The following CDC42BPB variants were observed in gnomAD, a reference collection of about 807,000 sequenced individuals.
CDC42BPB encodes CDC42 binding protein kinase beta, also known as serine/threonine-protein kinase MRCK beta.
CDC42BPB carries 37 observed loss-of-function variants against 214.9 expected under a neutral mutation model. The ratio of observed to expected loss-of-function variants is 0.17; its 90% CI spans 0.13 to 0.23. The LOEUF (loss-of-function observed/expected upper bound fraction) is 0.23. CDC42BPB is among the 10% of genes least tolerant of loss of function. CDC42BPB has a pLI of 1.00. For missense variants in CDC42BPB, 1,694 were observed against 2,227.0 expected (o/e 0.76, Z 4.82); for synonymous variants, 931 against 884.0 (o/e 1.05, Z -0.94).
chr14:102,999,811 C>T (rs1338642101), intron 4 of CDC42BPB, 98 bp from the exon 5 acceptor site: 14 of 1,538,326 alleles, frequency 9.1e-6, no homozygotes, highest in Non-Finnish European at 1.2e-5. Context: ...TCTCAGGCTC[C>T]AGGTCTGGCT....
At position 103,032,040 on chromosome 14, in the gene CDC42BPB, G is replaced by C. The variant is rs1376048730; in HGVS notation, c.176-19852C>G. Among the ~76,000 whole-genome samples the C allele has an allele frequency of 2.0e-5, 3 of 150,612 alleles. No individual in the cohort carries two copies. The East Asian group carries it at 5.9e-4, about 29-fold the overall frequency. ...CACAAGCCCAGGGCATCCTCACCCA[G>C]CAAGCAGCAGAGGGAGCCAAGAGCA... On this transcript the variant is annotated intron_variant, in intron 1 of 36. Transcript: ENST00000361246.
chr14:102,972,867 T>C (rs2139479351), intron 12 of CDC42BPB, among the ~76,000 whole-genome samples: 1 of 152,140 alleles, frequency 6.6e-6, no homozygotes, highest in Admixed American at 6.5e-5. Flanking sequence ...ATCTAGTTAC[T>C]TAAACATAAG....
chr14:102,970,377 C>T, intron 13 of CDC42BPB, 116 bp from the exon 14 acceptor site: 1 of 1,425,262 alleles, frequency 7.0e-7, no homozygotes, highest in Non-Finnish European at 9.2e-7. Context: ...TGCGCGTGTT[C>T]ACCCTTCATC....
chr14:102,938,759 G>A (rs1891755707), intron 34 of CDC42BPB, among the ~76,000 whole-genome samples: 1 of 151,802 alleles, frequency 6.6e-6, no homozygotes, highest in Non-Finnish European at 1.5e-5. Context: ...CTCCTGAGTA[G>A]GTGGGATTAC....
Position 102,975,704 on chromosome 14 carries a change from C to A in CDC42BPB, c.1487G>T (p.Arg496Leu). The part of the protein sequence containing the change: ...EIKKLNEEIE[R>L]LKNKIADSNR... ...CATACCTGCTATTTTATTCTTCAAGCGTTCGATTTCTTCATTTAGCTTTTT... is the reference window on the plus strand; with the variant it reads ...CATACCTGCTATTTTATTCTTCAAGAGTTCGATTTCTTCATTTAGCTTTTT... Residue 496 changes from arginine (R) to leucine (L), a missense_variant, in exon 11 of 37, where the codon CGC becomes CTC. This residue lies in a region of CDC42BPB where 462 missense variants were observed against 513.5 expected (regional missense o/e 0.90). Transcript: ENST00000361246. The A allele has an allele frequency of 6.2e-7, 1 of 1,613,908 alleles. No homozygotes were observed. Among genetic ancestry groups the A allele is most frequent in the Non-Finnish European group, 8.5e-7 (1 of 1,179,840 alleles).
intron 1 of CDC42BPB, among the ~76,000 whole-genome samples, chr14:103,026,026 C>T (rs1887033423): frequency 6.6e-6 from 1 of 152,108 alleles, no homozygotes. Flanking sequence ...TAACTGTGCG[C>T]CCCTACCTCA....
chr14:102,990,647 C>T (rs1322740483), intron 5 of CDC42BPB, among the ~76,000 whole-genome samples: 1 of 152,040 alleles, frequency 6.6e-6, no homozygotes, highest in Non-Finnish European at 1.5e-5. Flanking sequence ...ATGCGCATGC[C>T]CAGCACCCAG....
chr14:102,950,681 C>T, intron 24 of CDC42BPB, 79 bp from the exon 25 acceptor site: 1 of 1,403,624 alleles, frequency 7.1e-7, no homozygotes, highest in Admixed American at 3.3e-5. Flanking sequence ...CCTGAGGAGG[C>T]AATTTAATAA....
intron 1 of CDC42BPB, among the ~76,000 whole-genome samples, chr14:103,032,854 T>C (rs1010253482): frequency 3.3e-5 from 5 of 150,636 alleles, no homozygotes; most frequent in African/African-American, 1.2e-4. Context: ...GAACTCCTGA[T>C]GATCCACCTG....
chr14:102,936,054 T>C (rs894203450), intron 36 of CDC42BPB, among the ~76,000 whole-genome samples: 7 of 152,152 alleles, frequency 4.6e-5, no homozygotes, highest in African/African-American at 1.7e-4. Flanking sequence ...AATCAGGTAC[T>C]ACTTCATAGC....
chr14:102,933,758 C>T lies in CDC42BPB; in HGVS notation c.5090G>A (p.Ser1697Asn). The change falls in exon 37 of 37, where the codon AGC becomes AAC. Residue 1697 changes from serine to asparagine, a missense_variant. Physicochemically the swap from Ser to Asn is conservative, Grantham distance 46 (BLOSUM62 1). Around this residue, in one of 7 missense-constraint regions of CDC42BPB, gnomAD observed 146 missense variants for 134.1 expected, o/e 1.09. Coordinates refer to ENST00000361246, the MANE Select transcript of CDC42BPB (RefSeq NM_006035.4). ...GPPSPNSPHR[S>N]QLPLEGLEQP... is the part of the protein sequence containing the mutation. ...CTCCAGGCCTTCGAGGGGGAGCTGG[C>T]TCCTGTGGGGGGAGTTGGGGCTCGG... The T allele has an allele frequency of 6.7e-7, 1 of 1,497,490 alleles. No homozygotes were observed. The highest frequency in any genetic ancestry group is 3.0e-5 in the Admixed American group (1 of 33,620). The allele number at this position is 1,497,490 out of a possible 1,614,324, so 92.8% of individuals were successfully genotyped here. A position where few individuals can be genotyped will look rare whatever the true frequency, so the allele number is the denominator to read the frequency against.
At chr14:102,996,275 G>A (rs1408910661) in intron 5 of CDC42BPB, among the ~76,000 whole-genome samples, 1 of 152,260 alleles carries the variant, frequency 6.6e-6, no homozygotes, top group East Asian at 1.9e-4. Context: ...GGGAGGCGGA[G>A]CTTGCAGTGA....
At chr14:102,945,928 G>T (rs1263706990) in intron 28 of CDC42BPB, among the ~76,000 whole-genome samples, 1 of 152,218 alleles carries the variant, frequency 6.6e-6, no homozygotes, top group African/African-American at 2.4e-5. Flanking sequence ...GTGGGATTGA[G>T]TCTGCAAGGA....
intron 1 of CDC42BPB, among the ~76,000 whole-genome samples, chr14:103,021,316 A>T (rs987541671): frequency 6.6e-6 from 1 of 152,176 alleles, no homozygotes; most frequent in Non-Finnish European, 1.5e-5. Flanking sequence ...TTTTAAAAAA[A>T]TTAGCCAGGC....
At chr14:102,977,462 T>C (rs1005773773) in intron 9 of CDC42BPB, among the ~76,000 whole-genome samples, 3 of 152,076 alleles carry the variant, frequency 2.0e-5, no homozygotes, top group Non-Finnish European at 4.4e-5. Context: ...GAGCTTCCAT[T>C]GTCTCATTTC....
intron 14 of CDC42BPB, 121 bp downstream of exon 14, chr14:102,970,030 G>C (rs916187620): frequency 9.3e-6 from 7 of 754,238 alleles, no homozygotes; most frequent in Non-Finnish European, 1.5e-5. Context: ...GGTCTTGTCT[G>C]AACAGCCTCG....
intron 5 of CDC42BPB, among the ~76,000 whole-genome samples, chr14:102,988,214 G>A (rs539892716): frequency 6.6e-6 from 1 of 152,130 alleles, no homozygotes; most frequent in African/African-American, 2.4e-5. Flanking sequence ...AGGAAACGCA[G>A]TCAGATAGGA....
chr14:102,932,446 ATAAT>A lies in CDC42BPB; in HGVS notation c.*1262_*1265del, dbSNP rs1458626769. ...TGTTCAAAAATGTTCTCACAATTCA[ATAAT>A]TAATTACAAAGACTGAGACTTACAT... On this transcript the variant is annotated 3_prime_UTR_variant, in exon 37 of 37. Transcript: ENST00000361246. 1 of 152,378 alleles carries A rather than the reference ATAAT, an allele frequency of 6.6e-6. No homozygotes were observed. The highest frequency in any genetic ancestry group is 1.5e-5 in the Non-Finnish European group (1 of 68,022). 9.4% of individuals were successfully genotyped at this position (152,378 alleles called of 1,614,324 possible).
intron 1 of CDC42BPB, among the ~76,000 whole-genome samples, chr14:103,035,056 T>C (rs1197207822): frequency 6.8e-6 from 1 of 147,872 alleles, no homozygotes; most frequent in Non-Finnish European, 1.5e-5. Context: ...CAATTAATTC[T>C]ATACTTTTTT....
Sources: allele counts gnomAD v4.1 joint callset (sites outside exome capture counted in the v4.1 genomes callset), GRCh38; gene constraint gnomAD v4.1.1; regional missense constraint gnomAD v4.1.1; transcripts MANE v1.5; gene names NCBI Gene and HGNC (gene_info 2026-07-23, HGNC 2026-07-21).